The following ARMC9 variants were observed in gnomAD, a reference collection of about 807,000 sequenced individuals.
ARMC9 encodes lisH domain-containing protein ARMC9.
Under a neutral mutation model 107.0 loss-of-function variants are expected in ARMC9, and 94 were observed. That is an observed-to-expected ratio of 0.88 (90% CI 0.74 to 1.04). ARMC9 has a LOEUF of 1.04. Ranked by LOEUF, ARMC9 falls within the 50% of genes least tolerant of loss-of-function variation. The pLI is 0.00. For missense variants in ARMC9, 942 were observed against 1,030.1 expected (o/e 0.91, Z 1.17); for synonymous variants, 380 against 396.9 (o/e 0.96, Z 0.51).
At chr2:231,346,843 T>C (rs768328662) in intron 21 of ARMC9, among the ~76,000 whole-genome samples, 5 of 152,222 alleles carry the variant, frequency 3.3e-5, no homozygotes, top group Non-Finnish European at 4.4e-5. Context: ...GTAAATCTAG[T>C]TGATAAATAT....
intron 1 of ARMC9, among the ~76,000 whole-genome samples, chr2:231,202,863 T>G (rs761016903): frequency 4.6e-5 from 7 of 152,132 alleles, no homozygotes; most frequent in Non-Finnish European, 8.8e-5. Flanking sequence ...ATAAGGACAT[T>G]CTGTTCCCTT....
intron 3 of ARMC9, among the ~76,000 whole-genome samples, chr2:231,209,205 A>G (rs2032472975): frequency 6.6e-6 from 1 of 152,002 alleles, no homozygotes; most frequent in Non-Finnish European, 1.5e-5. Context: ...GCCCAGCCAG[A>G]ACCTCGTTTC....
At position 231,372,230 on chromosome 2, in the gene ARMC9, G is replaced by C. The variant is rs570848608; in HGVS notation, c.*695G>C. ...AAAAATACAAAAAAATTAGCCGGGCGTGGTGGCGGGCGCTTGTAGTCCCAG... is the reference window on the plus strand; with the variant it reads ...AAAAATACAAAAAAATTAGCCGGGCCTGGTGGCGGGCGCTTGTAGTCCCAG... On this transcript the variant is annotated 3_prime_UTR_variant, in exon 25 of 25. Transcript: ENST00000611582. The C allele has an allele frequency of 5.9e-5, 9 of 152,288 alleles. No homozygotes were observed. Among genetic ancestry groups the C allele is most frequent in the Admixed American group, 5.9e-4 (9 of 15,270 alleles). The allele number at this position is 152,288 out of a possible 1,614,324, so 9.4% of individuals were successfully genotyped here.
chr2:231,302,761 C>T (rs532560341), intron 19 of ARMC9, among the ~76,000 whole-genome samples: 1 of 152,144 alleles, frequency 6.6e-6, no homozygotes, highest in East Asian at 1.9e-4. Flanking sequence ...TCAGCACTTT[C>T]GGAGCCCCAG....
chr2:231,276,517 G>C (rs1011634812), intron 14 of ARMC9, 119 bp from the exon 15 acceptor site: 1 of 1,379,460 alleles, frequency 7.2e-7, no homozygotes, highest in Non-Finnish European at 9.9e-7. Context: ...TGATCCGTCC[G>C]CCTTGGCCTC....
chr2:231,293,403 A>G (rs572146858), intron 18 of ARMC9, among the ~76,000 whole-genome samples: 71 of 152,290 alleles, frequency 4.7e-4, no homozygotes, highest in Admixed American at 3.1e-3. Context: ...AGTTCTCTGC[A>G]TTCAGCCTGA....
At chr2:231,235,728 C>A (rs768533005) in intron 8 of ARMC9, among the ~76,000 whole-genome samples, 1 of 152,024 alleles carries the variant, frequency 6.6e-6, no homozygotes, top group African/African-American at 2.4e-5. Flanking sequence ...CTGCAACCTC[C>A]GCCTCCCAGA....
chr2:231,326,441 A>T (rs1276389414), intron 19 of ARMC9, among the ~76,000 whole-genome samples: 1 of 152,214 alleles, frequency 6.6e-6, no homozygotes, highest in Non-Finnish European at 1.5e-5. Flanking sequence ...CCTGAGTAAG[A>T]TGGTGCTGAT....
chr2:231,319,070 A>G (rs2042861474), intron 19 of ARMC9, among the ~76,000 whole-genome samples: 1 of 152,128 alleles, frequency 6.6e-6, no homozygotes, highest in Non-Finnish European at 1.5e-5. Context: ...CAGATCACCT[A>G]GGGCCTGGGG....
At chr2:231,282,979 T>G (rs896732541) in intron 17 of ARMC9, among the ~76,000 whole-genome samples, 1 of 151,908 alleles carries the variant, frequency 6.6e-6, no homozygotes, top group Non-Finnish European at 1.5e-5. Context: ...AAAAAACATG[T>G]AGGCTGAAGA....
chr2:231,201,103 A>G (rs1427472991), intron 1 of ARMC9, among the ~76,000 whole-genome samples: 1 of 152,102 alleles, frequency 6.6e-6, no homozygotes, highest in Non-Finnish European at 1.5e-5. Flanking sequence ...AGGTGGATGG[A>G]TTGGAGGCAT....
At chr2:231,219,761 A>G (rs529031808) in intron 5 of ARMC9, among the ~76,000 whole-genome samples, 8 of 152,166 alleles carry the variant, frequency 5.3e-5, no homozygotes, top group Middle Eastern at 3.4e-3. Context: ...TATTAGACCT[A>G]TTATATTCTC....
At chr2:231,198,915 A>C (rs1425103290) in intron 1 of ARMC9, 1 of 152,280 alleles carries the variant, frequency 6.6e-6, no homozygotes, top group Non-Finnish European at 1.5e-5. Flanking sequence ...TGGACATCCC[A>C]AGAAAGGACA....
At chr2:231,344,942 T>C (rs758147568) in intron 20 of ARMC9, 33 bp from the exon 21 acceptor site, 56 of 1,609,484 alleles carry the variant, frequency 3.5e-5, no homozygotes, top group Non-Finnish European at 4.5e-5. Context: ...AATAGATATT[T>C]CTCCAGCCCT....
intron 7 of ARMC9, among the ~76,000 whole-genome samples, chr2:231,233,079 G>C (rs1157119120): frequency 2.6e-5 from 4 of 152,058 alleles, no homozygotes; most frequent in Admixed American, 2.0e-4. Flanking sequence ...TCGAACTCCT[G>C]GTCTCAGGTG....
rs1386586217 is a variant in ARMC9, at chr2:231,362,317, T to C, written c.2261+1434T>C. ...GCTATCTCATGCCCCCAGTCCAGAC[T>C]GGATCCTCCCCTGCGGTTCAGCCAG... On this transcript the variant is annotated intron_variant, in intron 23 of 24. Transcript: ENST00000611582. This position sits in a 1 kb window ranked among gnomAD's most constrained non-coding sequence, Gnocchi z 4.7. 1.3e-5 allele frequency among the ~76,000 whole-genome samples: 2 copies of C among 152,190 alleles called. No individual in the cohort carries two copies. The highest frequency in any genetic ancestry group is 2.9e-5 in the Non-Finnish European group (2 of 68,018).
At chr2:231,287,258 C>T (rs936865762) in intron 17 of ARMC9, among the ~76,000 whole-genome samples, 6 of 152,206 alleles carry the variant, frequency 3.9e-5, no homozygotes, top group Non-Finnish European at 8.8e-5. Flanking sequence ...GCTGCTGCTC[C>T]CCACCCAACA....
intron 7 of ARMC9, among the ~76,000 whole-genome samples, chr2:231,233,027 T>G (rs934507668): frequency 6.6e-6 from 1 of 151,708 alleles, no homozygotes; most frequent in African/African-American, 2.4e-5. Context: ...GTTTTTGTAT[T>G]TTTAGTAGAG....
Position 231,226,795 on chromosome 2 carries a change from A to T in ARMC9, c.619A>T (p.Lys207Ter). The T allele has an allele frequency of 1.2e-6, 2 of 1,613,730 alleles. No individual in the cohort carries two copies. The highest frequency in any genetic ancestry group is 1.7e-6 in the Non-Finnish European group (2 of 1,179,614). Residue 207 changes from lysine (K) to a stop codon, truncating the protein, a stop_gained, in exon 7 of 25, where the codon AAA becomes TAA. Transcript: ENST00000611582. LOFTEE classifies it high-confidence loss of function. ...TIYKENGQSN[K>*]EILQQLHQQL... ...CCAGAAGGAGAATGGACAAAGTAAC[A>T]AAGGTAAATCATCTAGATTTAAATT...
Sources: allele counts gnomAD v4.1 joint callset (sites outside exome capture counted in the v4.1 genomes callset), GRCh38; gene constraint gnomAD v4.1.1; non-coding constraint Gnocchi (gnomAD v3.1); transcripts MANE v1.5; gene names NCBI Gene and HGNC (gene_info 2026-07-23, HGNC 2026-07-21).